Variants in NPAS2 observed in about 807,000 individuals in gnomAD.
The protein encoded by NPAS2 is neuronal PAS domain-containing protein 2.
Under a neutral mutation model 107.5 loss-of-function variants are expected in NPAS2, and 23 were observed. That is an observed-to-expected ratio of 0.21 (90% confidence interval 0.15 to 0.30). The LOEUF is 0.30. NPAS2 is among the 10% of genes least tolerant of loss of function. The pLI is 1.00. For synonymous variants in NPAS2, 403 were observed against 417.5 expected (o/e 0.97, Z 0.42); for missense variants, 756 against 1,043.3 (o/e 0.72, Z 3.79).
intron 1 of NPAS2, chr2:100,878,269 G>A (rs1371602792): frequency 2.0e-6 from 2 of 985,318 alleles, no homozygotes; most frequent in Non-Finnish European, 2.4e-6. Context: ...AGGAGCTCGG[G>A]AGGGAGCCAG....
intron 1 of NPAS2, among the ~76,000 whole-genome samples, chr2:100,899,255 G>C (rs1427923888): frequency 5.3e-5 from 8 of 149,888 alleles, no homozygotes; most frequent in Non-Finnish European, 1.0e-4. Flanking sequence ...ACAGAGTCTG[G>C]CTCTGTCGCC....
intron 20 of NPAS2, 36 bp downstream of exon 20, chr2:100,993,563 C>G: frequency 4.8e-6 from 7 of 1,457,362 alleles, no homozygotes; most frequent in Non-Finnish European, 6.4e-6. Flanking sequence ...CCGTGCAGGC[C>G]TGGGAGCCGG....
intron 16 of NPAS2, 166 bp from the exon 17 acceptor site, chr2:100,987,913 A>G (rs1166013557): frequency 6.8e-6 from 5 of 733,818 alleles, no homozygotes; most frequent in African/African-American, 1.8e-5. Context: ...CCTGACACTG[A>G]GCTTGGGGCA....
In NPAS2 at chr2:100,907,489, A is replaced by AACACACACAC. The variant is rs55951417; in HGVS notation, c.32+2728_32+2737dup. On this transcript the variant is annotated intron_variant, in intron 2 of 20. Transcript: ENST00000335681. ...CGCAGTACCCCTCCTAACACTTGGGAACACACACACACACACACACACACA... is the reference window on the plus strand; with the variant it reads ...CGCAGTACCCCTCCTAACACTTGGGAACACACACACACACACACACACACACACACACACA... Among the ~76,000 whole-genome samples the AACACACACAC allele has an allele frequency of 4.1e-3, 589 of 144,768 alleles. 5 individuals are homozygous for AACACACACAC. The highest frequency in any genetic ancestry group is 9.5e-3 in the African/African-American group (367 of 38,794). 95.0% of individuals were successfully genotyped at this position (144,768 alleles called of 152,430 possible).
At chr2:100,825,953 A>G (rs530313004) in intron 1 of NPAS2, among the ~76,000 whole-genome samples, 6 of 152,280 alleles carry the variant, frequency 3.9e-5, no homozygotes, top group South Asian at 2.1e-4. Flanking sequence ...TGAATTACAC[A>G]AAGAAGAGTC....
At chr2:100,890,701 C>T (rs1033526696) in intron 1 of NPAS2, among the ~76,000 whole-genome samples, 3 of 152,086 alleles carry the variant, frequency 2.0e-5, no homozygotes, top group Non-Finnish European at 2.9e-5. Flanking sequence ...GAGGAGGATC[C>T]AACATCACAG....
intron 1 of NPAS2, among the ~76,000 whole-genome samples, chr2:100,865,867 C>T (rs372260081): frequency 1.3e-4 from 20 of 152,296 alleles, no homozygotes; most frequent in African/African-American, 4.6e-4. Context: ...AGATGGAAAC[C>T]TTGAACTACC....
intron 1 of NPAS2, chr2:100,877,828 G>A (rs75104264): frequency 4.1e-4 from 164 of 403,698 alleles, no homozygotes; most frequent in Non-Finnish European, 5.1e-4. Flanking sequence ...GTCTTCAGCC[G>A]GTGCATCCTT....
intron 4 of NPAS2, among the ~76,000 whole-genome samples, chr2:100,936,242 C>A (rs781449977): frequency 1.3e-5 from 2 of 152,162 alleles, no homozygotes; most frequent in Non-Finnish European, 2.9e-5. Flanking sequence ...TCCGGGTTCC[C>A]GCTGCCATGC....
At chr2:100,929,340 A>ACACT (rs1490291108) in intron 3 of NPAS2, among the ~76,000 whole-genome samples, 1 of 152,202 alleles carries the variant, frequency 6.6e-6, no homozygotes, top group African/African-American at 2.4e-5. Context: ...TTTTAGCACT[A>ACACT]CACTCAATGG....
intron 3 of NPAS2, among the ~76,000 whole-genome samples, chr2:100,927,189 C>G (rs1683634191): frequency 6.6e-6 from 1 of 152,088 alleles, no homozygotes; most frequent in Non-Finnish European, 1.5e-5. Context: ...CCGCCCCGGC[C>G]TCCCAAAGTG....
chr2:100,935,304 G>A (rs1684227006), intron 4 of NPAS2, among the ~76,000 whole-genome samples: 1 of 152,184 alleles, frequency 6.6e-6, no homozygotes, highest in African/African-American at 2.4e-5. Flanking sequence ...CACAAGAAAT[G>A]TTCCATCTGA....
intron 1 of NPAS2, among the ~76,000 whole-genome samples, chr2:100,884,585 G>C (rs1680579125): frequency 6.6e-6 from 1 of 152,176 alleles, no homozygotes; most frequent in Admixed American, 6.5e-5. Context: ...GATCAAGGCT[G>C]AGAAAGATTG....
chr2:100,944,068 T>C (rs1453835001), intron 5 of NPAS2, among the ~76,000 whole-genome samples: 1 of 152,204 alleles, frequency 6.6e-6, no homozygotes, highest in African/African-American at 2.4e-5. Flanking sequence ...CACTACCTTC[T>C]GAAAGCTTAA....
chr2:100,842,081 G>GCGCGCGCGCGCGCACACACACACACACA, intron 1 of NPAS2, among the ~76,000 whole-genome samples: 4 of 148,798 alleles, frequency 2.7e-5, no homozygotes, highest in Non-Finnish European at 6.0e-5. Flanking sequence ...GCATGTACGC[G>GCGCGCGCGCGCGCACACACACACACACA]CACACACACA....
intron 1 of NPAS2, among the ~76,000 whole-genome samples, chr2:100,903,327 G>C (rs1215619915): frequency 6.6e-6 from 1 of 152,230 alleles, no homozygotes; most frequent in African/African-American, 2.4e-5. Flanking sequence ...TTGCAGATGT[G>C]TTAACGCTGA....
chr2:100,922,798 C>T (rs188923628), intron 2 of NPAS2, among the ~76,000 whole-genome samples: 3 of 152,270 alleles, frequency 2.0e-5, no homozygotes, highest in East Asian at 3.9e-4. Flanking sequence ...GTGTCCCAGC[C>T]GGAGGCGGAT....
intron 19 of NPAS2, among the ~76,000 whole-genome samples, chr2:100,991,833 G>A (rs889379578): frequency 1.8e-4 from 27 of 152,206 alleles, no homozygotes; most frequent in African/African-American, 6.0e-4. Context: ...TGCAGATGGT[G>A]GGGCTGGAGG....
chr2:100,924,881 C>T lies in NPAS2; in HGVS notation c.33-265C>T, dbSNP rs185614354. Among the ~76,000 whole-genome samples, 158 of 152,300 alleles carry T rather than the reference C, an allele frequency of 1.0e-3. 2 individuals are homozygous for T. Among genetic ancestry groups the T allele is most frequent in the South Asian group, 7.5e-3 (36 of 4,824 alleles). Reference sequence around the variant, plus strand: ...CTATGAGATCCGAATGAGCAGCATCCGGCCTCAGAGCTAATCTGTCAGATT... The same window carrying T: ...CTATGAGATCCGAATGAGCAGCATCTGGCCTCAGAGCTAATCTGTCAGATT... On this transcript the variant is annotated intron_variant, in intron 2 of 20. Transcript: ENST00000335681.
Sources: allele counts gnomAD v4.1 joint callset (sites outside exome capture counted in the v4.1 genomes callset), GRCh38; gene constraint gnomAD v4.1.1; transcripts MANE v1.5; gene names NCBI Gene and HGNC (gene_info 2026-07-23, HGNC 2026-07-21).